The following LRMDA variants were observed in gnomAD, a reference collection of about 807,000 sequenced individuals.
LRMDA encodes leucine rich melanocyte differentiation associated, also known as leucine-rich melanocyte differentiation-associated protein.
LRMDA carries 18 observed loss-of-function variants against 29.8 expected under a neutral mutation model. That is an observed-to-expected ratio of 0.60 (90% CI 0.42 to 0.90). The LOEUF is 0.90. Ranked by LOEUF, LRMDA falls within the 40% of genes least tolerant of loss-of-function variation. The pLI, the probability that LRMDA is intolerant of heterozygous loss-of-function variation, is 0.00. For synonymous variants in LRMDA, 125 were observed against 109.4 expected, an observed-to-expected ratio of 1.14 and a Z score of -0.89; for missense variants, 273 against 273.9, an observed-to-expected ratio of 1.00 and a Z score of 0.02.
At chr10:76,277,410 C>T (rs1011278640) in intron 5 of LRMDA, among the ~76,000 whole-genome samples, 1 of 152,192 alleles carries the variant, frequency 6.6e-6, no homozygotes, top group Admixed American at 6.5e-5. Context: ...TGGGCTTACC[C>T]TCTCATGCAA....
intron 2 of LRMDA, among the ~76,000 whole-genome samples, chr10:75,659,120 T>G (rs983737963): frequency 6.6e-6 from 1 of 152,230 alleles, no homozygotes; most frequent in Non-Finnish European, 1.5e-5. Context: ...GCATGGCACA[T>G]TGCCGACACA....
At chr10:75,991,271 A>T (rs567199971) in intron 2 of LRMDA, among the ~76,000 whole-genome samples, 54 of 152,238 alleles carry the variant, frequency 3.5e-4, no homozygotes, top group African/African-American at 1.2e-3. Flanking sequence ...GTATGAAATG[A>T]CCTTAATATG....
chr10:76,006,624 C>G (rs1023123223), intron 2 of LRMDA, among the ~76,000 whole-genome samples: 2 of 152,090 alleles, frequency 1.3e-5, no homozygotes, highest in African/African-American at 4.8e-5. Context: ...ATAGACTGCT[C>G]GAAAGGCCAA....
At chr10:76,164,898 G>A (rs1850712033) in intron 5 of LRMDA, among the ~76,000 whole-genome samples, 1 of 152,128 alleles carries the variant, frequency 6.6e-6, no homozygotes, top group African/African-American at 2.4e-5. Flanking sequence ...AGTGAACAAA[G>A]GGCACGTGTA....
intron 6 of LRMDA, among the ~76,000 whole-genome samples, chr10:76,478,678 A>T (rs1842704321): frequency 6.6e-6 from 1 of 152,146 alleles, no homozygotes; most frequent in Admixed American, 6.6e-5. Context: ...CTGGATTAAG[A>T]AAATGTGGCA....
chr10:75,542,763 G>T (rs949509425), intron 2 of LRMDA, among the ~76,000 whole-genome samples: 1 of 152,306 alleles, frequency 6.6e-6, no homozygotes, highest in South Asian at 2.1e-4. Flanking sequence ...CCAGCGTCAT[G>T]TCATATGGGA....
chr10:76,351,748 A>C, intron 6 of LRMDA, among the ~76,000 whole-genome samples: 1 of 151,726 alleles, frequency 6.6e-6, no homozygotes, highest in South Asian at 2.1e-4. Flanking sequence ...TCTTATCAGC[A>C]TGTTGATTTT....
At chr10:75,471,325 C>G (rs1302717625) in intron 2 of LRMDA, among the ~76,000 whole-genome samples, 2 of 151,090 alleles carry the variant, frequency 1.3e-5, no homozygotes. Flanking sequence ...CTGTTGAAAA[C>G]CATAATTCTA....
intron 2 of LRMDA, among the ~76,000 whole-genome samples, chr10:75,603,593 G>A (rs1840916184): frequency 6.6e-6 from 1 of 152,150 alleles, no homozygotes; most frequent in East Asian, 1.9e-4. Flanking sequence ...GGAGAAAGAT[G>A]TGAGAATCTG....
chr10:76,464,792 A>G (rs761424389), intron 6 of LRMDA: 7 of 152,174 alleles, frequency 4.6e-5, no homozygotes, highest in Non-Finnish European at 1.0e-4. Flanking sequence ...AGTTTCCCTC[A>G]TATCTTCATC....
At chr10:75,880,212 G>T (rs1845271356) in intron 2 of LRMDA, among the ~76,000 whole-genome samples, 1 of 152,142 alleles carries the variant, frequency 6.6e-6, no homozygotes, top group South Asian at 2.1e-4. Flanking sequence ...TGGGGCTATG[G>T]ATTAATGTCA....
In LRMDA at chr10:75,678,902, G is replaced by A. The variant is rs577741907; in HGVS notation, c.131+240408G>A. On this transcript the variant is annotated intron_variant, in intron 2 of 6. Transcript: ENST00000611255. Reference sequence around the variant, plus strand: ...TCGAAGGATGTGGGGAGTGGATCTGGGGTTTTACTGGAAATTAAACGGGCA... The same window carrying A: ...TCGAAGGATGTGGGGAGTGGATCTGAGGTTTTACTGGAAATTAAACGGGCA... Among the ~76,000 whole-genome samples, 3 of 152,198 alleles carry A rather than the reference G, an allele frequency of 2.0e-5. No individual in the cohort carries two copies. In the South Asian group the frequency reaches 6.2e-4, roughly 32 times the overall value.
At chr10:76,538,097 A>G (rs1282577140) in intron 6 of LRMDA, among the ~76,000 whole-genome samples, 1 of 152,168 alleles carries the variant, frequency 6.6e-6, no homozygotes, top group African/African-American at 2.4e-5. Flanking sequence ...CTATAGATTT[A>G]ATATACAATT....
At chr10:76,394,007 C>T (rs776000190) in intron 6 of LRMDA, among the ~76,000 whole-genome samples, 3 of 152,030 alleles carry the variant, frequency 2.0e-5, no homozygotes, top group Non-Finnish European at 4.4e-5. Flanking sequence ...CTATTCTGTT[C>T]CATTAGTCTA....
Position 76,501,252 on chromosome 10 carries a change from A to G in LRMDA, c.602-55957A>G, listed in dbSNP as rs184950658. Among the ~76,000 whole-genome samples, 56 of 21,284 alleles carry G rather than the reference A, an allele frequency of 2.6e-3. 17 individuals carry two copies. The highest frequency in any genetic ancestry group is 4.2e-3 in the African/African-American group (54 of 12,840). The allele number at this position is 21,284 out of a possible 152,430, so 14.0% of individuals were successfully genotyped here. ...GCATTCTAAGGTGAACATATACCAC[A>G]GTTTCCTTATTCAGTCTACTACTGA... On this transcript the variant is annotated intron_variant, in intron 6 of 6. Coordinates refer to ENST00000611255, the MANE Select transcript of LRMDA (RefSeq NM_001305581.2).
chr10:75,905,874 A>G (rs1434899161), intron 2 of LRMDA, among the ~76,000 whole-genome samples: 1 of 152,092 alleles, frequency 6.6e-6, no homozygotes, highest in African/African-American at 2.4e-5. Flanking sequence ...CAGCCGAGCC[A>G]TTAGTCTGCT....
chr10:76,324,699 G>C (rs1358990874), intron 6 of LRMDA, among the ~76,000 whole-genome samples: 1 of 151,786 alleles, frequency 6.6e-6, no homozygotes, highest in East Asian at 1.9e-4. Context: ...ATAAATCTAC[G>C]GTATAATATA....
At chr10:76,485,673 AT>A (rs916417006) in intron 6 of LRMDA, among the ~76,000 whole-genome samples, 18 of 151,804 alleles carry the variant, frequency 1.2e-4, no homozygotes, top group African/African-American at 4.3e-4. Context: ...TTATTTTAAC[AT>A]TTCTCATAGA....
At chr10:76,447,830 A>G (rs1198090591) in intron 6 of LRMDA, among the ~76,000 whole-genome samples, 2 of 152,174 alleles carry the variant, frequency 1.3e-5, no homozygotes, top group Non-Finnish European at 2.9e-5. Context: ...TTTCTAACCT[A>G]GAGTTCAACA....
Sources: allele counts gnomAD v4.1 joint callset (sites outside exome capture counted in the v4.1 genomes callset), GRCh38; gene constraint gnomAD v4.1.1; transcripts MANE v1.5; gene names NCBI Gene and HGNC (gene_info 2026-07-23, HGNC 2026-07-21).